The following LMX1A variants were observed in gnomAD, a reference collection of about 807,000 sequenced individuals.
LMX1A encodes LIM homeobox transcription factor 1 alpha, also known as LIM homeobox transcription factor 1-alpha.
Under a neutral mutation model 49.1 loss-of-function variants are expected in LMX1A, and 15 were observed. The observed-to-expected ratio is 0.31, with a 90% CI of 0.20 to 0.47. The LOEUF (loss-of-function observed/expected upper bound fraction) is 0.47. LMX1A is among the 20% of genes least tolerant of loss of function. LMX1A has a pLI of 1.00. For synonymous variants in LMX1A, 167 were observed against 185.7 expected (o/e 0.90, Z 0.82); for missense variants, 372 against 475.8 (o/e 0.78, Z 2.03).
chr1:165,255,209 G>A (rs1385616935), intron 3 of LMX1A, among the ~76,000 whole-genome samples: 1 of 152,234 alleles, frequency 6.6e-6, no homozygotes, highest in Non-Finnish European at 1.5e-5. Context: ...ACAAAGAAGA[G>A]ACCTATGCGC....
intron 3 of LMX1A, among the ~76,000 whole-genome samples, chr1:165,324,706 G>T (rs1655516881): frequency 6.6e-6 from 1 of 152,134 alleles, no homozygotes. Context: ...TCTACAAAGT[G>T]TTACTCAAAT....
intron 3 of LMX1A, among the ~76,000 whole-genome samples, chr1:165,329,738 C>T (rs1426280909): frequency 1.3e-5 from 2 of 150,064 alleles, no homozygotes; most frequent in African/African-American, 4.9e-5. Flanking sequence ...ATTAGTAAAA[C>T]CTATCAGACT....
chr1:165,215,804 T>C (rs2102606221), intron 4 of LMX1A, among the ~76,000 whole-genome samples: 1 of 152,346 alleles, frequency 6.6e-6, no homozygotes, highest in East Asian at 1.9e-4. Context: ...ATCCCAGTTC[T>C]GACCCCATGC....
At chr1:165,326,275 C>A (rs1655577963) in intron 3 of LMX1A, among the ~76,000 whole-genome samples, 1 of 152,170 alleles carries the variant, frequency 6.6e-6, no homozygotes, top group South Asian at 2.1e-4. Flanking sequence ...AGTCCGATTT[C>A]CATATGATGG....
At chr1:165,230,284 T>C (rs560605262) in intron 4 of LMX1A, among the ~76,000 whole-genome samples, 1 of 152,358 alleles carries the variant, frequency 6.6e-6, no homozygotes, top group Admixed American at 6.5e-5. Context: ...GTGTTTATGA[T>C]GATGAACAGA....
chr1:165,312,051 A>G (rs1274734578), intron 3 of LMX1A, among the ~76,000 whole-genome samples: 1 of 152,212 alleles, frequency 6.6e-6, no homozygotes, highest in African/African-American at 2.4e-5. Flanking sequence ...TTCAACTCTG[A>G]CAAATGATAA....
chr1:165,254,180 T>A (rs1235668146), intron 3 of LMX1A, among the ~76,000 whole-genome samples: 1 of 152,172 alleles, frequency 6.6e-6, no homozygotes, highest in South Asian at 2.1e-4. Flanking sequence ...TCTGTGCTTG[T>A]CTAACTTCCA....
At chr1:165,269,398 C>A (rs1653721239) in intron 3 of LMX1A, among the ~76,000 whole-genome samples, 1 of 152,214 alleles carries the variant, frequency 6.6e-6, no homozygotes. Context: ...GACATCTCCC[C>A]TGGTGACCCT....
intron 3 of LMX1A, among the ~76,000 whole-genome samples, chr1:165,261,182 C>T (rs1015748496): frequency 3.9e-5 from 6 of 152,104 alleles, no homozygotes; most frequent in Admixed American, 6.6e-5. Flanking sequence ...TCTCGAGAAC[C>T]CCATAGAAGT....
intron 3 of LMX1A, among the ~76,000 whole-genome samples, chr1:165,293,957 C>T (rs1654547535): frequency 6.6e-6 from 1 of 152,184 alleles, no homozygotes; most frequent in Non-Finnish European, 1.5e-5. Flanking sequence ...ATGCTGGATA[C>T]TAAGGAAAGT....
intron 3 of LMX1A, among the ~76,000 whole-genome samples, chr1:165,335,146 A>G (rs1655861282): frequency 6.6e-6 from 1 of 152,180 alleles, no homozygotes; most frequent in Non-Finnish European, 1.5e-5. Context: ...GATTTATATT[A>G]TTTACTTAAA....
chr1:165,335,724 C>CA (rs1369340338), intron 3 of LMX1A, among the ~76,000 whole-genome samples: 1 of 152,054 alleles, frequency 6.6e-6, no homozygotes, highest in Non-Finnish European at 1.5e-5. Context: ...GTTCATCAGT[C>CA]AGTTTGTATA....
intron 3 of LMX1A, among the ~76,000 whole-genome samples, chr1:165,319,299 ACC>A (rs978151291): frequency 6.6e-6 from 1 of 152,174 alleles, no homozygotes; most frequent in South Asian, 2.1e-4. Context: ...AAATGAATAA[ACC>A]CAAGAGAATA....
At chr1:165,353,331 C>T in intron 2 of LMX1A, 69 bp from the exon 3 acceptor site, 2 of 1,327,230 alleles carry the variant, frequency 1.5e-6, no homozygotes, top group Non-Finnish European at 1.0e-6. Flanking sequence ...CTGGCCGGGA[C>T]CCGCTCCTGA....
Position 165,231,620 on chromosome 1 carries a change from A to G in LMX1A, c.496+17788T>C, listed in dbSNP as rs191334169. ...TCTGATTAATCCTTTTCTTTATACT[A>G]GAAGAGAGTTTTAAATTATATAGTC... On this transcript the variant is annotated intron_variant, in intron 4 of 8. Coordinates refer to ENST00000342310, the MANE Select transcript of LMX1A (RefSeq NM_177398.4). Among the ~76,000 whole-genome samples the G allele has an allele frequency of 3.3e-5, 5 of 152,340 alleles. No individual in the cohort carries two copies. The East Asian group carries it at 7.7e-4, about 23-fold the overall frequency.
intron 3 of LMX1A, among the ~76,000 whole-genome samples, chr1:165,292,882 G>T (rs1356632560): frequency 6.6e-6 from 1 of 152,168 alleles, no homozygotes; most frequent in Non-Finnish European, 1.5e-5. Flanking sequence ...ACTTTGGGAA[G>T]CTGAGGTGGG....
In LMX1A at chr1:165,355,164, C is replaced by T. The variant is rs553152888; in HGVS notation, c.76+320G>A. Among the ~76,000 whole-genome samples, 1 of 152,092 alleles carries T rather than the reference C, an allele frequency of 6.6e-6. No homozygotes were observed. Among genetic ancestry groups the T allele is most frequent in the Admixed American group, 6.5e-5 (1 of 15,272 alleles). The stretch of plus-strand genomic sequence containing the variant: ...GAAGAGGGCGGCATTTATGAGACGT[C>T]GATCAGCTCCGAGATTAAAAATCCA... On this transcript the variant is annotated intron_variant, in intron 2 of 8. Transcript: ENST00000342310. This position sits in a 1 kb window ranked among gnomAD's most constrained non-coding sequence, Gnocchi z 4.7.
At chr1:165,249,376 C>A in intron 4 of LMX1A, 32 bp downstream of exon 4, 2 of 1,509,840 alleles carry the variant, frequency 1.3e-6, no homozygotes, top group Non-Finnish European at 1.8e-6. Flanking sequence ...CTACCCACCC[C>A]ACCGCAGCCC....
chr1:165,341,684 C>T (rs768207197), intron 3 of LMX1A, among the ~76,000 whole-genome samples: 13 of 151,514 alleles, frequency 8.6e-5, no homozygotes, highest in Non-Finnish European at 1.8e-4. Flanking sequence ...TTTAGATAAC[C>T]TGGTTTTCTA....
Sources: allele counts gnomAD v4.1 joint callset (sites outside exome capture counted in the v4.1 genomes callset), GRCh38; gene constraint gnomAD v4.1.1; non-coding constraint Gnocchi (gnomAD v3.1); transcripts MANE v1.5; gene names NCBI Gene and HGNC (gene_info 2026-07-23, HGNC 2026-07-21).